Variants in MYO16 observed in about 807,000 individuals in gnomAD.
MYO16 encodes the protein myosin XVI.
Under a neutral mutation model 205.3 loss-of-function variants are expected in MYO16, and 94 were observed. The observed-to-expected ratio is 0.46, with a 90% CI of 0.39 to 0.54. MYO16 has a LOEUF of 0.54. Among genes scored for constraint, MYO16 ranks in the 20% least tolerant of loss-of-function variants. The pLI, the probability that MYO16 is intolerant of heterozygous loss-of-function variation, is 0.00. For synonymous variants in MYO16, 988 were observed against 954.0 expected (o/e 1.04, Z -0.66); for missense variants, 2,315 against 2,387.5 (o/e 0.97, Z 0.63).
intron 2 of MYO16, among the ~76,000 whole-genome samples, chr13:108,677,978 A>T (rs1026081128): frequency 7.2e-5 from 11 of 152,212 alleles, no homozygotes; most frequent in Non-Finnish European, 1.3e-4. Context: ...AAAAAGGCAC[A>T]ATCTGTCAGC....
At chr13:108,914,970 C>A (rs1024295581) in intron 16 of MYO16, among the ~76,000 whole-genome samples, 2 of 152,180 alleles carry the variant, frequency 1.3e-5, no homozygotes, top group Admixed American at 1.3e-4. Flanking sequence ...ATTAAAGCTA[C>A]AAAAGTGCTG....
At chr13:108,498,072 C>A in the MYO16 span, among the ~76,000 whole-genome samples, 2 of 152,082 alleles carry the variant, frequency 1.3e-5, no homozygotes, top group Non-Finnish European at 1.5e-5. Context: ...AAAACATTTG[C>A]ATAAGTGAGA....
intron 4 of MYO16, among the ~76,000 whole-genome samples, chr13:108,743,680 G>A (rs994926630): frequency 1.9e-4 from 29 of 152,142 alleles, no homozygotes; most frequent in African/African-American, 6.8e-4. Flanking sequence ...TTGCCTGTAC[G>A]GTGGAGTGTG....
rs1417822900 is a variant in MYO16 at position 109,179,637 on chromosome 13, A to G, written c.5415+4A>G. On this transcript the variant is annotated splice_donor_region_variant and intron_variant, in intron 34 of 34. Transcript: ENST00000457511. ...CAGGGACAGTCACACCACTCAGGTA[A>G]TGATGTCTGTCTGTTCACATGTGCA... 14 of 1,607,618 alleles carry G rather than the reference A, an allele frequency of 8.7e-6. No homozygotes were observed. The highest frequency in any genetic ancestry group is 1.2e-5 in the Non-Finnish European group (14 of 1,174,290).
chr13:109,023,300 A>G (rs545107453), intron 23 of MYO16, among the ~76,000 whole-genome samples: 3 of 79,570 alleles, frequency 3.8e-5, no homozygotes, highest in African/African-American at 1.5e-4. Context: ...TTATACAGAT[A>G]TAAATATATA....
At chr13:109,086,086 A>G (rs1888428665) in intron 27 of MYO16, among the ~76,000 whole-genome samples, 1 of 152,152 alleles carries the variant, frequency 6.6e-6, no homozygotes, top group South Asian at 2.1e-4. Flanking sequence ...GACAAAATTT[A>G]TCTGTGCTGC....
At chr13:109,179,983 T>C (rs1473750045) in intron 34 of MYO16, among the ~76,000 whole-genome samples, 1 of 152,214 alleles carries the variant, frequency 6.6e-6, no homozygotes, top group African/African-American at 2.4e-5. Flanking sequence ...TTGGCTAAAA[T>C]AGGATGACTC....
intron 21 of MYO16, 29 bp downstream of exon 21, chr13:108,992,477 G>T: frequency 7.3e-7 from 1 of 1,372,132 alleles, no homozygotes; most frequent in South Asian, 1.2e-5. Flanking sequence ...AAAATTGTGT[G>T]AACTTGAATG....
chr13:108,888,919 G>A (rs544206310), intron 14 of MYO16, among the ~76,000 whole-genome samples: 70 of 152,244 alleles, frequency 4.6e-4, no homozygotes, highest in Non-Finnish European at 8.5e-4. Flanking sequence ...GCCAGGAGTG[G>A]TGGCTGGTGC....
intron 4 of MYO16, among the ~76,000 whole-genome samples, chr13:108,753,655 A>C (rs570318654): frequency 6.6e-6 from 1 of 152,160 alleles, no homozygotes; most frequent in Non-Finnish European, 1.5e-5. Flanking sequence ...AAATATAGAA[A>C]GTATATGGTG....
the MYO16 span, among the ~76,000 whole-genome samples, chr13:108,560,771 CAT>C: frequency 6.6e-6 from 1 of 152,098 alleles, no homozygotes; most frequent in Non-Finnish European, 1.5e-5. Flanking sequence ...TTATAAATTA[CAT>C]TTTGCATTGA....
intron 32 of MYO16, among the ~76,000 whole-genome samples, chr13:109,155,304 A>G (rs576973746): frequency 6.6e-6 from 1 of 152,278 alleles, no homozygotes; most frequent in South Asian, 2.1e-4. Context: ...AACCTGGAGG[A>G]TAAGTATCTG....
intron 1 of MYO16, among the ~76,000 whole-genome samples, chr13:108,647,464 G>A (rs1466097283): frequency 6.6e-6 from 1 of 152,194 alleles, no homozygotes; most frequent in African/African-American, 2.4e-5. Flanking sequence ...GAAATGTGGA[G>A]ATTCCAATTC....
the MYO16 span, among the ~76,000 whole-genome samples, chr13:108,568,419 G>T: frequency 1.3e-5 from 2 of 151,992 alleles, no homozygotes; most frequent in Non-Finnish European, 2.9e-5. Flanking sequence ...CATTGTGGTT[G>T]TACTTCACAT....
intron 32 of MYO16, among the ~76,000 whole-genome samples, chr13:109,147,244 C>T (rs1594125967): frequency 6.6e-6 from 1 of 151,998 alleles, no homozygotes; most frequent in South Asian, 2.1e-4. Context: ...TTCAAAGACA[C>T]GCAATTGCAT....
chr13:109,021,756 T>A (rs1886028967), intron 23 of MYO16, among the ~76,000 whole-genome samples: 1 of 152,068 alleles, frequency 6.6e-6, no homozygotes, highest in East Asian at 1.9e-4. Context: ...TGGGGCCAAA[T>A]CATGAGTAAA....
At chr13:109,068,311 A>G (rs993721743) in intron 27 of MYO16, among the ~76,000 whole-genome samples, 10 of 152,160 alleles carry the variant, frequency 6.6e-5, no homozygotes, top group African/African-American at 2.2e-4. Flanking sequence ...TTAGTCTACC[A>G]CTTCACCTTC....
intron 1 of MYO16, among the ~76,000 whole-genome samples, chr13:108,641,207 A>T (rs905650250): frequency 6.6e-6 from 1 of 152,198 alleles, no homozygotes; most frequent in African/African-American, 2.4e-5. Context: ...ACCTTGTGTG[A>T]ATCAATGCTG....
chr13:108,846,618 AGT>A (rs1318929151), intron 10 of MYO16, among the ~76,000 whole-genome samples: 1 of 152,048 alleles, frequency 6.6e-6, no homozygotes, highest in African/African-American at 2.4e-5. Flanking sequence ...AAAGAAATTG[AGT>A]GTGACTGACA....
Sources: gnomAD v4.1 joint callset for allele counts (sites outside exome capture counted in the v4.1 genomes callset) on GRCh38, gnomAD v4.1.1 for gene constraint, MANE v1.5 for transcripts, NCBI Gene and HGNC (gene_info 2026-07-23, HGNC 2026-07-21) for gene names.